Variants in SLC26A7 observed in about 807,000 individuals in gnomAD.
SLC26A7 encodes the protein anion exchange transporter.
Under a neutral mutation model 82.5 loss-of-function variants are expected in SLC26A7, and 59 were observed. That is an observed-to-expected ratio of 0.72 (90% CI 0.58 to 0.89). The LOEUF (loss-of-function observed/expected upper bound fraction) is 0.89. Ranked by LOEUF, SLC26A7 falls within the 40% of genes least tolerant of loss-of-function variation. SLC26A7 has a pLI of 0.00. For missense variants in SLC26A7, 820 were observed against 793.0 expected, an observed-to-expected ratio of 1.03 and a Z score of -0.41; for synonymous variants, 271 against 274.3, an observed-to-expected ratio of 0.99 and a Z score of 0.12.
intron 4 of SLC26A7, among the ~76,000 whole-genome samples, chr8:91,307,812 T>TA (rs1395001950): frequency 1.8e-4 from 6 of 33,968 alleles, no homozygotes; most frequent in Non-Finnish European, 3.5e-4. Context: ...TAAAAATAAA[T>TA]AAATAAAAAA....
chr8:91,244,855 C>G (rs1222135281), upstream of SLC26A7, among the ~76,000 whole-genome samples: 1 of 152,000 alleles, frequency 6.6e-6, no homozygotes, highest in Non-Finnish European at 1.5e-5. Flanking sequence ...GATTTATATT[C>G]TTTTGGCTCC....
intron 2 of SLC26A7, among the ~76,000 whole-genome samples, chr8:91,267,243 T>G (rs758827841): frequency 2.6e-5 from 4 of 151,846 alleles, no homozygotes; most frequent in African/African-American, 4.8e-5. Flanking sequence ...CTTTATCTTA[T>G]TTTGGTATCA....
intron 2 of SLC26A7, among the ~76,000 whole-genome samples, chr8:91,256,161 G>A (rs779796466): frequency 6.6e-6 from 1 of 152,098 alleles, no homozygotes; most frequent in Non-Finnish European, 1.5e-5. Flanking sequence ...TAATACAAGG[G>A]TTCCATATCT....
chr8:91,243,598 G>A (rs1423971030), intron 2 of SLC26A7, among the ~76,000 whole-genome samples: 1 of 152,104 alleles, frequency 6.6e-6, no homozygotes, highest in Non-Finnish European at 1.5e-5. Flanking sequence ...TGCACATGCA[G>A]AATATTCAAC....
At chr8:91,371,095 A>G (rs993941591) in intron 15 of SLC26A7, among the ~76,000 whole-genome samples, 1 of 151,910 alleles carries the variant, frequency 6.6e-6, no homozygotes, top group African/African-American at 2.4e-5. Flanking sequence ...TCTTTTTAGC[A>G]TGGAGCTAAA....
chr8:91,294,330 G>A (rs1032132218), intron 3 of SLC26A7, among the ~76,000 whole-genome samples: 4 of 152,074 alleles, frequency 2.6e-5, no homozygotes, highest in African/African-American at 9.7e-5. Flanking sequence ...AAACATTGAG[G>A]TGACAGTTCT....
At chr8:91,342,123 G>T (rs1305934647) in intron 8 of SLC26A7, among the ~76,000 whole-genome samples, 2 of 151,674 alleles carry the variant, frequency 1.3e-5, no homozygotes, top group South Asian at 2.1e-4. Context: ...AAACATGGGG[G>T]TCTTGCTGTG....
intron 2 of SLC26A7, among the ~76,000 whole-genome samples, chr8:91,266,721 A>T (rs1811123636): frequency 6.6e-6 from 1 of 152,078 alleles, no homozygotes; most frequent in South Asian, 2.1e-4. Context: ...TCCAATTTGA[A>T]TGCCCTTTAT....
intron 11 of SLC26A7, among the ~76,000 whole-genome samples, chr8:91,360,534 TAA>T: frequency 6.6e-6 from 1 of 152,200 alleles, no homozygotes; most frequent in Non-Finnish European, 1.5e-5. Context: ...TTCAAAGCTA[TAA>T]ATGTAGCCCC....
At chr8:91,242,544 A>T (rs1810488677) in intron 2 of SLC26A7, among the ~76,000 whole-genome samples, 1 of 152,302 alleles carries the variant, frequency 6.6e-6, no homozygotes, top group Middle Eastern at 3.4e-3. Context: ...TCTGGGAGGC[A>T]GTTAGGTTTG....
At chr8:91,392,058 C>T (rs1219557720) in intron 16 of SLC26A7, among the ~76,000 whole-genome samples, 1 of 152,060 alleles carries the variant, frequency 6.6e-6, no homozygotes, top group Non-Finnish European at 1.5e-5. Flanking sequence ...CATCATTCAT[C>T]TTAGTGGTTT....
chr8:91,327,122 G>C (rs1812954484), intron 5 of SLC26A7, among the ~76,000 whole-genome samples: 1 of 151,964 alleles, frequency 6.6e-6, no homozygotes, highest in Admixed American at 6.6e-5. Flanking sequence ...TTTTTGGTGG[G>C]GAGGGGAGAT....
At chr8:91,300,447 G>A (rs570936565) in intron 4 of SLC26A7, among the ~76,000 whole-genome samples, 2 of 151,378 alleles carry the variant, frequency 1.3e-5, no homozygotes, top group Non-Finnish European at 2.9e-5. Context: ...ACCCAGGCTG[G>A]AGTGCAGGGG....
At chr8:91,337,408 A>G (rs1403808091) in intron 6 of SLC26A7, among the ~76,000 whole-genome samples, 1 of 152,174 alleles carries the variant, frequency 6.6e-6, no homozygotes, top group Admixed American at 6.6e-5. Flanking sequence ...GAAATTTTTA[A>G]TATCTATTAA....
At chr8:91,293,599 G>A (rs535140040) in intron 3 of SLC26A7, among the ~76,000 whole-genome samples, 14 of 152,270 alleles carry the variant, frequency 9.2e-5, no homozygotes, top group Admixed American at 3.3e-4. Context: ...TGACTCACAC[G>A]CAGGTGAAGC....
At chr8:91,374,178 A>G (rs1301853772) in intron 15 of SLC26A7, among the ~76,000 whole-genome samples, 2 of 151,214 alleles carry the variant, frequency 1.3e-5, no homozygotes. Flanking sequence ...TCAAAGAACT[A>G]TTGTTTCATT....
chr8:91,267,222 T>G (rs1811138137), intron 2 of SLC26A7, among the ~76,000 whole-genome samples: 1 of 151,878 alleles, frequency 6.6e-6, no homozygotes, highest in South Asian at 2.1e-4. Flanking sequence ...TTGTTGTTGT[T>G]GTTGTTGTGT....
rs990116492 is a variant in SLC26A7 at position 91,366,505 on chromosome 8, T to C, written c.1489-75T>C. ...TTGAGAGATTGCTTATAAAATTGAG[T>C]GACATTTAGATCTGATTGTTTATTG... On this transcript the variant is annotated intron_variant, in intron 13 of 18. Coordinates refer to ENST00000276609, the MANE Select transcript of SLC26A7 (RefSeq NM_052832.4). 12 of 1,484,902 alleles carry C rather than the reference T, an allele frequency of 8.1e-6. No individual in the cohort carries two copies. In the African/African-American group the frequency reaches 1.6e-4, roughly 19 times the overall value. The allele number at this position is 1,484,902 out of a possible 1,614,324, so 92.0% of individuals were successfully genotyped here.
intron 4 of SLC26A7, among the ~76,000 whole-genome samples, chr8:91,317,057 G>T (rs562045681): frequency 1.4e-5 from 2 of 148,146 alleles, no homozygotes; most frequent in South Asian, 4.3e-4. Context: ...CTATTCAGGA[G>T]GCTAAAATGG....
Sources: gnomAD v4.1 joint callset for allele counts (sites outside exome capture counted in the v4.1 genomes callset) on GRCh38, gnomAD v4.1.1 for gene constraint, MANE v1.5 for transcripts, NCBI Gene and HGNC (gene_info 2026-07-23, HGNC 2026-07-21) for gene names.